Variants in MKLN1 observed in about 807,000 individuals in gnomAD.
MKLN1 encodes the protein muskelin.
MKLN1 carries 18 observed loss-of-function variants against 99.0 expected under a neutral mutation model. The observed-to-expected ratio is 0.18, with a 90% CI of 0.13 to 0.27. The LOEUF is 0.27. Among genes scored for constraint, MKLN1 ranks in the 10% least tolerant of loss-of-function variants. MKLN1 has a pLI of 1.00. For missense variants in MKLN1, 621 were observed against 875.9 expected, an observed-to-expected ratio of 0.71 and a Z score of 3.67; for synonymous variants, 288 against 293.2, an observed-to-expected ratio of 0.98 and a Z score of 0.18.
At chr7:131,464,713 A>G (rs1217474685) in intron 14 of MKLN1, among the ~76,000 whole-genome samples, 1 of 152,232 alleles carries the variant, frequency 6.6e-6, no homozygotes, top group Non-Finnish European at 1.5e-5. Context: ...CTATCCAAGT[A>G]AAATATGTAC....
At chr7:131,321,538 TAACA>T (rs1350522997) in intron 3 of MKLN1, among the ~76,000 whole-genome samples, 4 of 152,172 alleles carry the variant, frequency 2.6e-5, no homozygotes, top group Admixed American at 2.6e-4. Context: ...TATATCTATG[TAACA>T]AACCTGTACA....
At chr7:131,245,763 TAAGTG>T (rs1797478220) in intron 3 of MKLN1, among the ~76,000 whole-genome samples, 1 of 152,246 alleles carries the variant, frequency 6.6e-6, no homozygotes, top group Non-Finnish European at 1.5e-5. Flanking sequence ...TAGGTTTGTG[TAAGTG>T]CACTCTATGA....
chr7:131,225,339 T>G lies in MKLN1; in HGVS notation c.-179+22365T>G, dbSNP rs553277225. 2.7e-4 allele frequency among the ~76,000 whole-genome samples: 41 copies of G among 152,304 alleles called. No homozygotes were observed. The South Asian group carries it at 8.3e-3, about 31-fold the overall frequency. ...TCCGAGGTCTCTTTTATAAGGGTAC[T>G]AATCAGAGCCCCTCATGACCTAATC... On this transcript the variant is annotated intron_variant, in intron 3 of 7. Coordinates refer to the MKLN1 transcript ENST00000416992.
upstream of MKLN1, chr7:131,327,737 C>T (rs1205989932): frequency 1.5e-6 from 2 of 1,306,780 alleles, no homozygotes; most frequent in Non-Finnish European, 2.0e-6. Context: ...CGTGGGAAAC[C>T]CTGAGATAGG....
intron 1 of MKLN1, among the ~76,000 whole-genome samples, chr7:131,140,023 G>T (rs1443556069): frequency 6.6e-6 from 1 of 152,182 alleles, no homozygotes; most frequent in Non-Finnish European, 1.5e-5. Context: ...TAGGGATTAT[G>T]TCTTCCACTT....
At chr7:131,172,456 C>T (rs1249415961) in intron 2 of MKLN1, among the ~76,000 whole-genome samples, 1 of 152,058 alleles carries the variant, frequency 6.6e-6, no homozygotes, top group African/African-American at 2.4e-5. Flanking sequence ...GCTGGGACTA[C>T]AGGCACCCGC....
intron 3 of MKLN1, among the ~76,000 whole-genome samples, chr7:131,215,197 C>T (rs946362181): frequency 1.3e-5 from 2 of 152,272 alleles, no homozygotes; most frequent in African/African-American, 2.4e-5. Flanking sequence ...TACAGGAATG[C>T]ACCACCACAC....
At chr7:131,130,105 ATT>A in intron 1 of MKLN1, among the ~76,000 whole-genome samples, 1 of 152,336 alleles carries the variant, frequency 6.6e-6, no homozygotes, top group Middle Eastern at 3.4e-3. Context: ...ATACATTTAA[ATT>A]AGACAAAATT....
chr7:131,470,873 A>C lies in MKLN1; in HGVS notation c.1960A>C (p.Ser654Arg), dbSNP rs759223107. The change falls in exon 16 of 18, where the codon AGT (serine) becomes CGT (arginine). Residue 654 changes from serine to arginine, a missense_variant. This residue lies in a region of MKLN1 where 126 missense variants were observed against 157.4 expected (regional missense o/e 0.80). Coordinates refer to ENST00000352689, the MANE Select transcript of MKLN1 (RefSeq NM_013255.5). ...AGAAAAGGCCCAAGTGGATCCCCTT[A>C]GTGCTCTGAAATATTTACAAAATGA... is the stretch of plus-strand genomic sequence containing the variant. ...FEEKAQVDPL[S>R]ALKYLQNDLY... 6.2e-7 allele frequency: 1 copy of C among 1,612,758 alleles called. No individual in the cohort carries two copies. Among genetic ancestry groups the C allele is most frequent in the South Asian group, 1.1e-5 (1 of 90,990 alleles).
At chr7:131,179,946 G>A (rs1187841078) in intron 2 of MKLN1, among the ~76,000 whole-genome samples, 2 of 152,156 alleles carry the variant, frequency 1.3e-5, no homozygotes, top group African/African-American at 2.4e-5. Flanking sequence ...AGGCTGGAGT[G>A]CAGTGGCACA....
chr7:131,310,499 T>C (rs1252982514), intron 3 of MKLN1: 8 of 152,190 alleles, frequency 5.3e-5, no homozygotes, highest in Admixed American at 5.2e-4. Context: ...GTACCATGAA[T>C]TTAGTTTTCT....
chr7:131,286,551 C>T (rs924940041), intron 3 of MKLN1, among the ~76,000 whole-genome samples: 1 of 152,134 alleles, frequency 6.6e-6, no homozygotes, highest in Non-Finnish European at 1.5e-5. Flanking sequence ...ATCATTATCT[C>T]TGAGAGGCAA....
chr7:131,302,638 T>G (rs1276477180), intron 3 of MKLN1, among the ~76,000 whole-genome samples: 1 of 152,204 alleles, frequency 6.6e-6, no homozygotes, highest in East Asian at 1.9e-4. Context: ...AGACATTTCC[T>G]GGGATTCCTG....
chr7:131,175,395 G>A (rs574866364), intron 2 of MKLN1, among the ~76,000 whole-genome samples: 1 of 152,254 alleles, frequency 6.6e-6, no homozygotes, highest in South Asian at 2.1e-4. Context: ...AGTTAGTCAG[G>A]TCATTCTAAG....
chr7:131,287,833 G>C (rs972856974), intron 3 of MKLN1, among the ~76,000 whole-genome samples: 2 of 152,108 alleles, frequency 1.3e-5, no homozygotes, highest in Non-Finnish European at 2.9e-5. Flanking sequence ...CTGTTCTCGT[G>C]ATAGTGAGTG....
chr7:131,245,785 A>G (rs1797478632), intron 3 of MKLN1, among the ~76,000 whole-genome samples: 1 of 152,250 alleles, frequency 6.6e-6, no homozygotes, highest in South Asian at 2.1e-4. Flanking sequence ...ATGATGTTCA[A>G]ACAACAATGA....
chr7:131,460,814 G>C (rs549979312), intron 12 of MKLN1, among the ~76,000 whole-genome samples: 92 of 152,064 alleles, frequency 6.1e-4, no homozygotes, highest in Non-Finnish European at 1.2e-3. Context: ...TAATTCAAAG[G>C]CTCACTATTA....
At chr7:131,426,805 A>G (rs1795371015) in intron 8 of MKLN1, among the ~76,000 whole-genome samples, 1 of 151,504 alleles carries the variant, frequency 6.6e-6, no homozygotes, top group Admixed American at 6.6e-5. Flanking sequence ...CCCAGGCTGG[A>G]GTGCAGTGGT....
At chr7:131,328,398 C>T (rs1271088418) in intron 1 of MKLN1, among the ~76,000 whole-genome samples, 2 of 152,110 alleles carry the variant, frequency 1.3e-5, no homozygotes, top group Non-Finnish European at 2.9e-5. Flanking sequence ...CCGAGGTGGT[C>T]GGCGTCGGGG....
Sources: gnomAD v4.1 joint callset for allele counts (sites outside exome capture counted in the v4.1 genomes callset) on GRCh38, gnomAD v4.1.1 for gene constraint, gnomAD v4.1.1 regional missense constraint, MANE v1.5 for transcripts, NCBI Gene and HGNC (gene_info 2026-07-23, HGNC 2026-07-21) for gene names.